Variants in SYT10 observed in about 807,000 individuals in gnomAD.
SYT10 encodes synaptotagmin 10, also known as synaptotagmin-10.
SYT10 carries 31 observed loss-of-function variants against 51.1 expected under a neutral mutation model. That is an observed-to-expected ratio of 0.61 (90% CI 0.46 to 0.82). SYT10 has a LOEUF of 0.82. Ranked by LOEUF, SYT10 falls within the 40% of genes least tolerant of loss-of-function variation. The pLI is 0.00. For synonymous variants in SYT10, 233 were observed against 225.9 expected, an observed-to-expected ratio of 1.03 and a Z score of -0.28; for missense variants, 603 against 634.0, an observed-to-expected ratio of 0.95 and a Z score of 0.53.
chr12:33,406,011 C>G (rs1468412902), intron 3 of SYT10: 1 of 151,736 alleles, frequency 6.6e-6, no homozygotes. Context: ...AGAAAATTGG[C>G]TTGAAAAAAT....
chr12:33,388,235 T>G (rs2138391514), intron 3 of SYT10, among the ~76,000 whole-genome samples: 1 of 152,326 alleles, frequency 6.6e-6, no homozygotes, highest in African/African-American at 2.4e-5. Context: ...TATTACAGAC[T>G]TGAACAGTAA....
At chr12:33,415,346 G>T (rs2138423060) in intron 2 of SYT10, among the ~76,000 whole-genome samples, 1 of 152,170 alleles carries the variant, frequency 6.6e-6, no homozygotes, top group Non-Finnish European at 1.5e-5. Context: ...TAATGGTTTT[G>T]ACAAGCTCAA....
At chr12:33,388,761 G>A (rs1791895997) in intron 3 of SYT10, among the ~76,000 whole-genome samples, 1 of 152,180 alleles carries the variant, frequency 6.6e-6, no homozygotes, top group Admixed American at 6.5e-5. Context: ...GGTAGATAAA[G>A]ACCATTTTTT....
At chr12:33,382,832 G>A (rs1866127678) in intron 4 of SYT10, among the ~76,000 whole-genome samples, 1 of 152,100 alleles carries the variant, frequency 6.6e-6, no homozygotes, top group South Asian at 2.1e-4. Flanking sequence ...TTCAATTACT[G>A]GAAAAGGACC....
intron 1 of SYT10, among the ~76,000 whole-genome samples, chr12:33,438,727 G>A (rs1369409678): frequency 1.3e-5 from 2 of 152,166 alleles, no homozygotes; most frequent in Non-Finnish European, 2.9e-5. Context: ...AGCTTTAGGT[G>A]TCGCCTCACA....
At chr12:33,377,018 G>A in intron 6 of SYT10, 117 bp from the exon 7 acceptor site, 1 of 1,058,896 alleles carries the variant, frequency 9.4e-7, no homozygotes, top group Non-Finnish European at 1.4e-6. Flanking sequence ...TCTGAAGAAA[G>A]GAAATACATA....
chr12:33,415,468 A>G (rs1283078890), intron 2 of SYT10, among the ~76,000 whole-genome samples: 7 of 152,214 alleles, frequency 4.6e-5, no homozygotes, highest in Admixed American at 6.5e-5. Flanking sequence ...TCAGCATCTA[A>G]TGGGAAACCT....
At position 33,375,193 on chromosome 12, in the gene SYT10, A is replaced by G. The variant is rs1866051935; in HGVS notation, c.*1637T>C. The G allele has an allele frequency of 6.6e-6, 1 of 152,018 alleles. No individual in the cohort carries two copies. The highest frequency in any genetic ancestry group is 6.6e-5 in the Admixed American group (1 of 15,250). 9.4% of individuals were successfully genotyped at this position (152,018 alleles called of 1,614,324 possible). ...CTTAGGGTGGTATAAGCATTTTTGA[A>G]AAATCTGAGGCAGAACTGTGTTTGC... On this transcript the variant is annotated 3_prime_UTR_variant, in exon 7 of 7. Coordinates refer to ENST00000228567, the MANE Select transcript of SYT10 (RefSeq NM_198992.4).
intron 2 of SYT10, among the ~76,000 whole-genome samples, chr12:33,421,016 C>A (rs1336660715): frequency 6.6e-6 from 1 of 152,102 alleles, no homozygotes; most frequent in Admixed American, 6.5e-5. Flanking sequence ...TCATTTCTTA[C>A]AGTGTTTTAG....
intron 2 of SYT10, among the ~76,000 whole-genome samples, chr12:33,422,959 T>C (rs1439613329): frequency 6.6e-6 from 1 of 152,150 alleles, no homozygotes; most frequent in Non-Finnish European, 1.5e-5. Flanking sequence ...CAGGATTAAA[T>C]ATATGTTGAA....
chr12:33,435,545 T>C (rs1442488901), intron 1 of SYT10, among the ~76,000 whole-genome samples: 1 of 152,218 alleles, frequency 6.6e-6, no homozygotes, highest in Non-Finnish European at 1.5e-5. Flanking sequence ...CTGAATTCAC[T>C]GTGGCTCCAT....
At chr12:33,387,515 G>C (rs1481175940) in intron 3 of SYT10, among the ~76,000 whole-genome samples, 1 of 152,152 alleles carries the variant, frequency 6.6e-6, no homozygotes, top group Non-Finnish European at 1.5e-5. Flanking sequence ...CAGGCATTCA[G>C]TAAGTACTGG....
chr12:33,422,465 A>G (rs1866513387), intron 2 of SYT10, among the ~76,000 whole-genome samples: 1 of 152,072 alleles, frequency 6.6e-6, no homozygotes, highest in Non-Finnish European at 1.5e-5. Flanking sequence ...AAAACATAAC[A>G]CTTACCCACA....
chr12:33,410,857 C>T (rs1194618880), intron 2 of SYT10, among the ~76,000 whole-genome samples: 1 of 152,034 alleles, frequency 6.6e-6, no homozygotes, highest in Non-Finnish European at 1.5e-5. Flanking sequence ...CAGAAATATA[C>T]ACTAAAACAT....
chr12:33,379,610 G>C (rs904350241), intron 6 of SYT10, among the ~76,000 whole-genome samples: 1 of 60,806 alleles, frequency 1.6e-5, no homozygotes, highest in Admixed American at 2.0e-4. Flanking sequence ...CTGTCCAAAA[G>C]AATATGAAGC....
chr12:33,397,676 G>GTGAGGGAA (rs1193161773), intron 3 of SYT10, among the ~76,000 whole-genome samples: 1 of 151,972 alleles, frequency 6.6e-6, no homozygotes, highest in African/African-American at 2.4e-5. Flanking sequence ...ATGCAGACTG[G>GTGAGGGAA]TGAGGGAACA....
intron 3 of SYT10, among the ~76,000 whole-genome samples, chr12:33,400,405 A>G (rs1866292484): frequency 6.6e-6 from 1 of 152,232 alleles, no homozygotes. Context: ...TACAATGAAT[A>G]CAACAGTTCC....
intron 3 of SYT10, among the ~76,000 whole-genome samples, chr12:33,391,930 A>G (rs1311516118): frequency 2.0e-5 from 3 of 152,204 alleles, no homozygotes; most frequent in Non-Finnish European, 2.9e-5. Flanking sequence ...AGCAACTAGA[A>G]AACAAGTGAC....
chr12:33,402,435 G>A lies in SYT10; in HGVS notation c.1077+4354C>T, dbSNP rs572133496. Among the ~76,000 whole-genome samples the A allele has an allele frequency of 5.3e-5, 8 of 152,216 alleles. No homozygotes were observed. The East Asian group carries it at 1.5e-3, about 29-fold the overall frequency. On this transcript the variant is annotated intron_variant, in intron 3 of 6. Transcript: ENST00000228567. Reference sequence around the variant, plus strand: ...GGCAATGTGAAATATTTTCATATGGGATATAGTCTGTACCAAAATTGTGTG... The same window carrying A: ...GGCAATGTGAAATATTTTCATATGGAATATAGTCTGTACCAAAATTGTGTG...
Sources: allele counts gnomAD v4.1 joint callset (sites outside exome capture counted in the v4.1 genomes callset), GRCh38; gene constraint gnomAD v4.1.1; transcripts MANE v1.5; gene names NCBI Gene and HGNC (gene_info 2026-07-23, HGNC 2026-07-21).